Variants in WDFY2 observed in about 807,000 individuals in gnomAD.
WDFY2 encodes WD repeat and FYVE domain containing 2.
A neutral mutation model predicts 56.4 loss-of-function variants in WDFY2; 36 were observed. That is an observed-to-expected ratio of 0.64 (90% CI 0.49 to 0.84). WDFY2 has a LOEUF of 0.84. WDFY2 is among the 40% of genes least tolerant of loss of function. The pLI is 0.00. For missense variants in WDFY2, 444 were observed against 512.2 expected (o/e 0.87, Z 1.29); for synonymous variants, 176 against 183.7 (o/e 0.96, Z 0.34).
intron 1 of WDFY2, among the ~76,000 whole-genome samples, chr13:51,624,045 T>TA (rs1954793245): frequency 6.6e-6 from 1 of 152,104 alleles, no homozygotes; most frequent in African/African-American, 2.4e-5. Context: ...TTTAAGATAA[T>TA]AAAGGATGAC....
At chr13:51,658,205 C>G (rs1955545340) in intron 1 of WDFY2, among the ~76,000 whole-genome samples, 1 of 152,092 alleles carries the variant, frequency 6.6e-6, no homozygotes, top group South Asian at 2.1e-4. Context: ...ATACTATATT[C>G]CTTGTTGTAT....
chr13:51,647,880 C>T (rs1955290481), intron 1 of WDFY2, among the ~76,000 whole-genome samples: 1 of 151,776 alleles, frequency 6.6e-6, no homozygotes, highest in African/African-American at 2.4e-5. Context: ...TGTATACACA[C>T]ACACACGAGT....
At chr13:51,608,714 A>G (rs1954431551) in intron 1 of WDFY2, among the ~76,000 whole-genome samples, 1 of 152,072 alleles carries the variant, frequency 6.6e-6, no homozygotes, top group South Asian at 2.1e-4. Context: ...ATCACATTTT[A>G]TTTTCTCATT....
intron 6 of WDFY2, among the ~76,000 whole-genome samples, chr13:51,738,459 T>A (rs1220636268): frequency 1.3e-5 from 2 of 152,212 alleles, no homozygotes; most frequent in Non-Finnish European, 2.9e-5. Context: ...TTTTCATTCT[T>A]AGTAATAGTC....
chr13:51,606,626 G>A (rs1235333354), intron 1 of WDFY2, among the ~76,000 whole-genome samples: 1 of 151,942 alleles, frequency 6.6e-6, no homozygotes, highest in Non-Finnish European at 1.5e-5. Context: ...GTCACAACAT[G>A]CCTATACATG....
intron 2 of WDFY2, among the ~76,000 whole-genome samples, chr13:51,666,327 C>T (rs561240847): frequency 1.3e-5 from 2 of 152,138 alleles, no homozygotes; most frequent in Non-Finnish European, 2.9e-5. Context: ...AATCATCTAC[C>T]TTAATGTACA....
chr13:51,637,716 C>T (rs747230608), intron 1 of WDFY2, among the ~76,000 whole-genome samples: 8 of 152,046 alleles, frequency 5.3e-5, no homozygotes, highest in African/African-American at 7.2e-5. Context: ...AGGAGGAATG[C>T]GTCCACCCTA....
chr13:51,751,447 G>T (rs767989575), intron 8 of WDFY2, 32 bp downstream of exon 8: 3 of 1,594,062 alleles, frequency 1.9e-6, no homozygotes, highest in Admixed American at 1.7e-5. Context: ...GGTGGGCCCT[G>T]TGGTTCTGGC....
intron 1 of WDFY2, among the ~76,000 whole-genome samples, chr13:51,643,000 T>G (rs1032107882): frequency 6.6e-6 from 1 of 152,212 alleles, no homozygotes; most frequent in African/African-American, 2.4e-5. Flanking sequence ...CTTTAATTGC[T>G]GCACCTTTGG....
chr13:51,670,836 T>G (rs933175740), intron 2 of WDFY2, among the ~76,000 whole-genome samples: 1 of 152,162 alleles, frequency 6.6e-6, no homozygotes, highest in Non-Finnish European at 1.5e-5. Context: ...ACCCGACCAG[T>G]GTACCCAGTG....
At chr13:51,597,423 T>A (rs1954171939) in intron 1 of WDFY2, among the ~76,000 whole-genome samples, 1 of 152,332 alleles carries the variant, frequency 6.6e-6, no homozygotes, top group Non-Finnish European at 1.5e-5. Flanking sequence ...TGAAAACTTT[T>A]GAAGCAATGA....
At chr13:51,716,624 C>T (rs1952354466) in intron 4 of WDFY2, among the ~76,000 whole-genome samples, 2 of 137,472 alleles carry the variant, frequency 1.5e-5, no homozygotes, top group Non-Finnish European at 3.1e-5. Flanking sequence ...ACCCGGGAGG[C>T]GGAGCTTGCA....
At chr13:51,722,046 C>T (rs1223789372) in intron 5 of WDFY2, among the ~76,000 whole-genome samples, 2 of 135,014 alleles carry the variant, frequency 1.5e-5, no homozygotes, top group Non-Finnish European at 3.1e-5. Context: ...TTGGTTTCGT[C>T]GTTGTTTGTT....
chr13:51,723,791 C>T (rs769160376), intron 5 of WDFY2, among the ~76,000 whole-genome samples: 1 of 152,190 alleles, frequency 6.6e-6, no homozygotes, highest in Non-Finnish European at 1.5e-5. Flanking sequence ...TCCATACCAG[C>T]CTTTTAATAG....
At chr13:51,601,655 A>G (rs1431555069) in intron 1 of WDFY2, among the ~76,000 whole-genome samples, 1 of 152,188 alleles carries the variant, frequency 6.6e-6, no homozygotes, top group Non-Finnish European at 1.5e-5. Flanking sequence ...ACCTCAGGTG[A>G]TCCACCCGCC....
intron 4 of WDFY2, among the ~76,000 whole-genome samples, chr13:51,711,693 T>G (rs919424164): frequency 1.3e-5 from 2 of 152,168 alleles, no homozygotes; most frequent in African/African-American, 2.4e-5. Context: ...TGAAAAAATG[T>G]TCATCATCAC....
intron 1 of WDFY2, among the ~76,000 whole-genome samples, chr13:51,597,868 G>C (rs999005673): frequency 6.6e-6 from 1 of 152,176 alleles, no homozygotes; most frequent in African/African-American, 2.4e-5. Flanking sequence ...AATCAACCTT[G>C]GTGGTTTTTA....
intron 3 of WDFY2, among the ~76,000 whole-genome samples, chr13:51,687,436 G>T (rs960616063): frequency 2.6e-5 from 4 of 152,020 alleles, no homozygotes; most frequent in Non-Finnish European, 5.9e-5. Context: ...TAGAGGGAAT[G>T]GATGCCAGTA....
chr13:51,665,923 T>C (rs1955692647), intron 2 of WDFY2, among the ~76,000 whole-genome samples: 1 of 152,226 alleles, frequency 6.6e-6, no homozygotes, highest in African/African-American at 2.4e-5. Flanking sequence ...GAGGCACACC[T>C]AATGTAGCGA....
Sources: allele counts gnomAD v4.1 joint callset (sites outside exome capture counted in the v4.1 genomes callset), GRCh38; gene constraint gnomAD v4.1.1; transcripts MANE v1.5; gene names NCBI Gene and HGNC (gene_info 2026-07-23, HGNC 2026-07-21).